The following STRBP variants were observed in gnomAD, a reference collection of about 807,000 sequenced individuals.
STRBP encodes spermatid perinuclear RNA binding protein.
STRBP carries 13 observed loss-of-function variants against 80.1 expected under a neutral mutation model. The observed-to-expected ratio is 0.16, with a 90% CI of 0.11 to 0.26. The LOEUF (loss-of-function observed/expected upper bound fraction) is 0.26. Among genes scored for constraint, STRBP ranks in the 10% least tolerant of loss-of-function variants. The pLI is 1.00. For missense variants in STRBP, 485 were observed against 815.2 expected (o/e 0.59, Z 4.93); for synonymous variants, 284 against 291.2 (o/e 0.98, Z 0.25).
intron 1 of STRBP, among the ~76,000 whole-genome samples, chr9:123,245,254 G>C (rs1478649056): frequency 6.6e-6 from 1 of 152,134 alleles, no homozygotes; most frequent in Non-Finnish European, 1.5e-5. Context: ...AAATTTCCCA[G>C]AGCGGGAGTT....
chr9:123,184,198 A>G lies in STRBP; in HGVS notation c.-64T>C, dbSNP rs964720118. The G allele has an allele frequency of 2.6e-6, 4 of 1,563,936 alleles. No homozygotes were observed. Among genetic ancestry groups the G allele is most frequent in the Non-Finnish European group, 3.5e-6 (4 of 1,142,164 alleles). On this transcript the variant is annotated 5_prime_UTR_variant, in exon 3 of 19. Transcript: ENST00000348403. ...TCCCCTCTTTCTTGTCGTCTTCACT[A>G]GACACTGTTTTGTGTAACAATACCT... is the stretch of plus-strand genomic sequence containing the variant.
chr9:123,115,734 C>G lies in STRBP; in HGVS notation c.*84+195G>C. ...GACATTCCACAGCATTTCCTCTTTG[C>G]CGTCCACACAACCGGCTTCTTGCTT... On this transcript the variant is annotated intron_variant and NMD_transcript_variant, in intron 3 of 3. Transcript: ENST00000471564. The surrounding 1 kb of genome is among the most constrained non-coding windows in gnomAD (Gnocchi z 5.0). 1 of 335,566 alleles carries G rather than the reference C, an allele frequency of 3.0e-6. No homozygotes were observed. Among genetic ancestry groups the G allele is most frequent in the East Asian group, 7.7e-5 (1 of 12,978 alleles). 20.8% of individuals were successfully genotyped at this position (335,566 alleles called of 1,614,324 possible).
chr9:123,207,150 G>A (rs937062740), intron 2 of STRBP, among the ~76,000 whole-genome samples: 1 of 152,044 alleles, frequency 6.6e-6, no homozygotes, highest in Non-Finnish European at 1.5e-5. Flanking sequence ...TCAAAGATGC[G>A]GATACCCTAT....
intron 1 of STRBP, among the ~76,000 whole-genome samples, chr9:123,258,498 G>A (rs1419079544): frequency 6.6e-6 from 1 of 152,128 alleles, no homozygotes; most frequent in Non-Finnish European, 1.5e-5. Flanking sequence ...AAATATGCCT[G>A]GTATGTTAAA....
At chr9:123,209,584 A>G (rs902636502) in intron 2 of STRBP, among the ~76,000 whole-genome samples, 1 of 152,236 alleles carries the variant, frequency 6.6e-6, no homozygotes, top group African/African-American at 2.4e-5. Flanking sequence ...CAGAAACAAC[A>G]TGTAAAGAGG....
chr9:123,223,717 T>C (rs2040146403), intron 2 of STRBP, among the ~76,000 whole-genome samples: 1 of 152,122 alleles, frequency 6.6e-6, no homozygotes, highest in South Asian at 2.1e-4. Flanking sequence ...AATTCAACGT[T>C]ACAATTTTTT....
rs116945661 is a variant in STRBP, at chr9:123,130,196, G to T, written c.1898-1938C>A. On this transcript the variant is annotated intron_variant, in intron 17 of 18. Coordinates refer to ENST00000348403, the MANE Select transcript of STRBP (RefSeq NM_018387.5). Reference sequence around the variant, plus strand: ...ACCTCTCTGAGCTTCAGTGTTCTATGTACAGTAACTGAGTTGCCAGGGGAA... The same window carrying T: ...ACCTCTCTGAGCTTCAGTGTTCTATTTACAGTAACTGAGTTGCCAGGGGAA... Among the ~76,000 whole-genome samples, 477 of 152,226 alleles carry T rather than the reference G, an allele frequency of 3.1e-3. 3 individuals carry two copies. Among genetic ancestry groups the T allele is most frequent in the South Asian group, 6.6e-3 (32 of 4,822 alleles).
intron 12 of STRBP, 90 bp downstream of exon 12, chr9:123,147,688 A>AC: frequency 9.0e-7 from 1 of 1,110,360 alleles, no homozygotes; most frequent in Non-Finnish European, 1.2e-6. Context: ...AAAAAAAAAA[A>AC]AAAAAAAAAA....
At chr9:123,182,887 C>T (rs1328952616) in intron 3 of STRBP, among the ~76,000 whole-genome samples, 10 of 151,962 alleles carry the variant, frequency 6.6e-5, no homozygotes, top group Admixed American at 3.9e-4. Flanking sequence ...TGGCATGCGC[C>T]TATAAGGCCA....
chr9:123,264,089 G>A (rs2041218051), intron 1 of STRBP, among the ~76,000 whole-genome samples: 2 of 152,208 alleles, frequency 1.3e-5, no homozygotes, highest in Non-Finnish European at 2.9e-5. Flanking sequence ...TGGGGCAGGA[G>A]AATCACTTGA....
chr9:123,124,256 G>A lies in STRBP; in HGVS notation c.*1341C>T, dbSNP rs558100331. 1.4e-4 allele frequency: 136 copies of A among 985,412 alleles called. No homozygotes were observed. Among genetic ancestry groups the A allele is most frequent in the Admixed American group, 9.2e-4 (15 of 16,288 alleles). 61.0% of individuals were successfully genotyped at this position (985,412 alleles called of 1,614,324 possible). Reference sequence around the variant, plus strand: ...TCATACTAAAAACAGACATTTTTAAGACATGGTGCCTTATAAATATTGACA... The same window carrying A: ...TCATACTAAAAACAGACATTTTTAAAACATGGTGCCTTATAAATATTGACA... On this transcript the variant is annotated 3_prime_UTR_variant, in exon 19 of 19. Transcript: ENST00000348403.
At chr9:123,224,118 T>A (rs1774308451) in intron 2 of STRBP, among the ~76,000 whole-genome samples, 1 of 152,222 alleles carries the variant, frequency 6.6e-6, no homozygotes, top group African/African-American at 2.4e-5. Context: ...AGAAAACATC[T>A]ACTCATATTT....
In STRBP at chr9:123,206,196, A is replaced by C. The variant is rs180932938; in HGVS notation, c.-164-21898T>G. 3.8e-4 allele frequency among the ~76,000 whole-genome samples: 58 copies of C among 152,346 alleles called. No individual in the cohort carries two copies. The East Asian group carries it at 9.8e-3, about 26-fold the overall frequency. ...GTCTACCTGAATATGATTCTATGAT[A>C]CACGAGAAATCTGCAAGTACATTCC... On this transcript the variant is annotated intron_variant, in intron 2 of 18. Transcript: ENST00000348403.
At chr9:123,223,894 T>C (rs1048821209) in intron 2 of STRBP, among the ~76,000 whole-genome samples, 4 of 152,178 alleles carry the variant, frequency 2.6e-5, no homozygotes, top group Admixed American at 2.0e-4. Flanking sequence ...ATTAATGGTT[T>C]ATTTTTTACT....
At chr9:123,161,994 A>G (rs2132401152) in intron 6 of STRBP, among the ~76,000 whole-genome samples, 1 of 152,338 alleles carries the variant, frequency 6.6e-6, no homozygotes, top group South Asian at 2.1e-4. Flanking sequence ...GTTTAATACA[A>G]TTAAGTCGGA....
At position 123,146,897 on chromosome 9, in the gene STRBP, T is replaced by C; in HGVS notation, c.1296A>G (p.Ser432=). 1 of 1,614,094 alleles carries C rather than the reference T, an allele frequency of 6.2e-7. No homozygotes were observed. The highest frequency in any genetic ancestry group is 8.5e-7 in the Non-Finnish European group (1 of 1,179,960). Reference sequence around the variant, plus strand: ...GTTTTGCTGTTTTCTTGGATGGTCCTGAGGCTTCATATGTTGTGCCATCCA... The same window carrying C: ...GTTTTGCTGTTTTCTTGGATGGTCCCGAGGCTTCATATGTTGTGCCATCCA... ...VDVDGTTYEA[S]GPSKKTAKLH... The change falls in exon 13 of 19, where the codon TCA becomes TCG. Residue 432 remains serine, a synonymous_variant. Coordinates refer to ENST00000348403, the MANE Select transcript of STRBP (RefSeq NM_018387.5).
chr9:123,128,085 TA>T, intron 18 of STRBP, 128 bp downstream of exon 18: 1 of 1,160,442 alleles, frequency 8.6e-7, no homozygotes, highest in Non-Finnish European at 1.2e-6. Context: ...AAAAGGAATT[TA>T]AGTTGGGTCA....
rs577832618 is a variant in STRBP, at chr9:123,124,149, C to G, written c.*1448G>C. The G allele has an allele frequency of 3.0e-6, 3 of 985,416 alleles. No homozygotes were observed. The South Asian group carries it at 1.4e-4, about 46-fold the overall frequency. 61.0% of individuals were successfully genotyped at this position (985,416 alleles called of 1,614,324 possible). Reference sequence around the variant, plus strand: ...GAAGGAATTTGGTACATACATTTGCCATATTTTGTGAAGCCCATTCTCATG... The same window carrying G: ...GAAGGAATTTGGTACATACATTTGCGATATTTTGTGAAGCCCATTCTCATG... On this transcript the variant is annotated 3_prime_UTR_variant, in exon 19 of 19. Transcript: ENST00000348403.
chr9:123,230,809 A>G (rs115874330), intron 2 of STRBP, among the ~76,000 whole-genome samples: 2,556 of 152,334 alleles, frequency 0.017, 82 homozygotes, highest in African/African-American at 0.058. Context: ...TGTGTCTTCC[A>G]CATACTTTTT....
Sources: gnomAD v4.1 joint callset for allele counts (sites outside exome capture counted in the v4.1 genomes callset) on GRCh38, gnomAD v4.1.1 for gene constraint, Gnocchi (gnomAD v3.1) non-coding constraint, MANE v1.5 for transcripts, NCBI Gene and HGNC (gene_info 2026-07-23, HGNC 2026-07-21) for gene names.